The following KCNIP4 variants were observed in gnomAD, a reference collection of about 807,000 sequenced individuals.
KCNIP4 encodes the protein potassium voltage-gated channel interacting protein 4.
In KCNIP4, 12 loss-of-function variants were observed where a neutral mutation model predicts 34.0. That is an observed-to-expected ratio of 0.35 (90% CI 0.23 to 0.57). The LOEUF (loss-of-function observed/expected upper bound fraction) is 0.57. Among genes scored for constraint, KCNIP4 ranks in the 20% least tolerant of loss-of-function variants. The pLI is 0.83. For synonymous variants in KCNIP4, 124 were observed against 102.2 expected (o/e 1.21, Z -1.29); for missense variants, 238 against 311.7 (o/e 0.76, Z 1.78).
At chr4:21,239,674 A>G (rs973204187) in intron 1 of KCNIP4, among the ~76,000 whole-genome samples, 1 of 152,240 alleles carries the variant, frequency 6.6e-6, no homozygotes, top group Admixed American at 6.5e-5. Context: ...CCACAATGAG[A>G]TACCATCTCA....
chr4:21,365,441 G>A (rs912407792), intron 1 of KCNIP4, among the ~76,000 whole-genome samples: 1 of 150,010 alleles, frequency 6.7e-6, no homozygotes, highest in East Asian at 2.0e-4. Context: ...TCACACCACT[G>A]CACTCCAGCC....
At chr4:21,459,817 GT>G (rs1729296029) in intron 1 of KCNIP4, among the ~76,000 whole-genome samples, 1 of 151,978 alleles carries the variant, frequency 6.6e-6, no homozygotes, top group Non-Finnish European at 1.5e-5. Flanking sequence ...TACCTTAGTA[GT>G]TTTCAGCATA....
At chr4:21,640,270 C>T (rs1746515146) in intron 1 of KCNIP4, among the ~76,000 whole-genome samples, 1 of 152,176 alleles carries the variant, frequency 6.6e-6, no homozygotes, top group African/African-American at 2.4e-5. Context: ...CCCTGCCACC[C>T]CAGGATTCAA....
intron 1 of KCNIP4, among the ~76,000 whole-genome samples, chr4:20,922,639 A>T (rs1051929790): frequency 1.3e-5 from 2 of 152,126 alleles, no homozygotes; most frequent in South Asian, 4.1e-4. Flanking sequence ...AAATAAATTT[A>T]CTTCATGTCT....
chr4:21,190,761 C>T (rs1056986137), intron 1 of KCNIP4, among the ~76,000 whole-genome samples: 8 of 152,104 alleles, frequency 5.3e-5, no homozygotes, highest in Non-Finnish European at 8.8e-5. Flanking sequence ...TGGCCAGTAG[C>T]CATAAAATCT....
At chr4:21,019,448 G>A (rs187456867) in intron 1 of KCNIP4, among the ~76,000 whole-genome samples, 37 of 152,180 alleles carry the variant, frequency 2.4e-4, no homozygotes, top group African/African-American at 5.5e-4. Context: ...GTGAGCCACC[G>A]CGCCCAGCCA....
chr4:21,027,629 CTT>C (rs1419912344), intron 1 of KCNIP4, among the ~76,000 whole-genome samples: 1 of 150,486 alleles, frequency 6.6e-6, no homozygotes, highest in Non-Finnish European at 1.5e-5. Flanking sequence ...ATCTTCTTGT[CTT>C]TGTCACCAAA....
intron 1 of KCNIP4, among the ~76,000 whole-genome samples, chr4:21,542,703 T>A (rs892399811): frequency 4.0e-5 from 6 of 150,228 alleles, no homozygotes; most frequent in Non-Finnish European, 5.9e-5. Context: ...TATATAAAAA[T>A]ATATATATAA....
intron 5 of KCNIP4, 95 bp from the exon 6 acceptor site, chr4:20,734,830 A>C (rs1749201229): frequency 3.3e-6 from 2 of 600,992 alleles, no homozygotes; most frequent in Non-Finnish European, 5.5e-6. Context: ...AACCCTCTGG[A>C]TCTTGAACAT....
At chr4:21,098,861 G>GA in intron 1 of KCNIP4, among the ~76,000 whole-genome samples, 1 of 152,154 alleles carries the variant, frequency 6.6e-6, no homozygotes, top group Admixed American at 6.5e-5. Context: ...ACAAACATAT[G>GA]AAAAAAAGCT....
intron 1 of KCNIP4, among the ~76,000 whole-genome samples, chr4:21,553,495 C>A (rs1255533953): frequency 6.6e-6 from 1 of 152,108 alleles, no homozygotes; most frequent in Non-Finnish European, 1.5e-5. Flanking sequence ...TGGGCCTCAC[C>A]TGTCTGGAAG....
chr4:20,799,562 T>TC (rs1484258777), intron 3 of KCNIP4, among the ~76,000 whole-genome samples: 2 of 152,252 alleles, frequency 1.3e-5, no homozygotes, highest in East Asian at 3.9e-4. Context: ...TGGTGAGATG[T>TC]CCCACCTTTC....
At chr4:21,300,966 G>A (rs1448933600) in intron 1 of KCNIP4, among the ~76,000 whole-genome samples, 1 of 152,110 alleles carries the variant, frequency 6.6e-6, no homozygotes, top group African/African-American at 2.4e-5. Context: ...AAGCAAGAGA[G>A]TAGCAGAGGA....
At chr4:21,379,380 A>G (rs955924289) in intron 1 of KCNIP4, among the ~76,000 whole-genome samples, 3 of 152,106 alleles carry the variant, frequency 2.0e-5, no homozygotes, top group Admixed American at 6.6e-5. Flanking sequence ...GAGACCTTAA[A>G]TCTATTCTCA....
chr4:20,919,170 TG>T (rs1729134573), intron 1 of KCNIP4, among the ~76,000 whole-genome samples: 1 of 152,148 alleles, frequency 6.6e-6, no homozygotes, highest in Admixed American at 6.5e-5. Flanking sequence ...TTATTCAGTG[TG>T]TTTCAGTGAA....
At chr4:21,905,291 C>T (rs1727930755) in intron 1 of KCNIP4, among the ~76,000 whole-genome samples, 1 of 152,124 alleles carries the variant, frequency 6.6e-6, no homozygotes. Context: ...TTACATCATG[C>T]TGCTCAGGAA....
chr4:20,743,920 GA>G (rs56209007), intron 5 of KCNIP4, among the ~76,000 whole-genome samples: 16,975 of 141,748 alleles, frequency 0.12, 1,174 homozygotes, highest in Middle Eastern at 0.2. Flanking sequence ...AAATTTACAA[GA>G]AAAAAAAAAA....
At chr4:21,718,015 A>G (rs1313430016) in intron 1 of KCNIP4, among the ~76,000 whole-genome samples, 1 of 152,222 alleles carries the variant, frequency 6.6e-6, no homozygotes, top group Non-Finnish European at 1.5e-5. Context: ...AAAAAGTAAG[A>G]GAAAGCAATT....
intron 2 of KCNIP4, among the ~76,000 whole-genome samples, chr4:20,851,201 A>G (rs1055973270): frequency 6.6e-5 from 10 of 152,032 alleles, no homozygotes; most frequent in Non-Finnish European, 1.5e-4. Flanking sequence ...CTCCCCCAAC[A>G]GGTGCCCAGC....
Sources: allele counts gnomAD v4.1 joint callset (sites outside exome capture counted in the v4.1 genomes callset), GRCh38; gene constraint gnomAD v4.1.1; transcripts MANE v1.5; gene names NCBI Gene and HGNC (gene_info 2026-07-23, HGNC 2026-07-21).